Variants in TNPO1 observed in about 807,000 individuals in gnomAD.
The protein encoded by TNPO1 is transportin-1.
TNPO1 carries 8 observed loss-of-function variants against 119.5 expected under a neutral mutation model. The observed-to-expected ratio is 0.07, with a 90% confidence interval of 0.04 to 0.12. The LOEUF is 0.12. Ranked by LOEUF, TNPO1 falls within the 10% of genes least tolerant of loss-of-function variation. The probability of loss-of-function intolerance (pLI) is 1.00; values close to 1 mark genes in which losing one functional copy is unlikely to be tolerated. For synonymous variants in TNPO1, 362 were observed against 363.0 expected, an observed-to-expected ratio of 1.00 and a Z score of 0.03; for missense variants, 576 against 1,089.8, an observed-to-expected ratio of 0.53 and a Z score of 6.64.
intron 1 of TNPO1, among the ~76,000 whole-genome samples, chr5:72,836,908 C>T (rs1013014728): frequency 6.6e-6 from 1 of 152,208 alleles, no homozygotes; most frequent in African/African-American, 2.4e-5. Context: ...TTTCCAATAA[C>T]ATATTCCTCG....
At chr5:72,870,867 T>G (rs1234701671) in intron 6 of TNPO1, among the ~76,000 whole-genome samples, 1 of 152,204 alleles carries the variant, frequency 6.6e-6, no homozygotes, top group Non-Finnish European at 1.5e-5. Flanking sequence ...ATTGTATTTT[T>G]TTTCCATTTG....
chr5:72,884,092 A>T (rs879387161), intron 11 of TNPO1, among the ~76,000 whole-genome samples: 2 of 152,130 alleles, frequency 1.3e-5, no homozygotes, highest in Non-Finnish European at 2.9e-5. Flanking sequence ...CAGGAGAAGG[A>T]TTGTTGGGGT....
intron 1 of TNPO1, among the ~76,000 whole-genome samples, chr5:72,839,209 C>G (rs1744812310): frequency 6.6e-6 from 1 of 152,088 alleles, no homozygotes; most frequent in African/African-American, 2.4e-5. Flanking sequence ...TCCTATGATA[C>G]TAAGAGAATC....
chr5:72,880,394 T>G (rs921920366), intron 9 of TNPO1, among the ~76,000 whole-genome samples: 2 of 152,240 alleles, frequency 1.3e-5, no homozygotes, highest in African/African-American at 4.8e-5. Context: ...TTTATTCTTG[T>G]ACATTAATGT....
intron 11 of TNPO1, among the ~76,000 whole-genome samples, chr5:72,885,252 T>C (rs1174769045): frequency 1.3e-5 from 2 of 152,258 alleles, no homozygotes; most frequent in African/African-American, 4.8e-5. Flanking sequence ...CTAGTACTGA[T>C]AGCACATCTA....
In TNPO1 at chr5:72,882,643, A is replaced by G. The variant is rs1748330978; in HGVS notation, c.981+116A>G. On this transcript the variant is annotated intron_variant, in intron 10 of 24. Coordinates refer to ENST00000337273, the MANE Select transcript of TNPO1 (RefSeq NM_002270.4). The stretch of plus-strand genomic sequence containing the variant: ...TAGATCTCCTGTAAATAGACTTCCT[A>G]TTATCCATAATAGGATAGAAGCATA... 7.5e-6 allele frequency: 5 copies of G among 666,490 alleles called. No individual in the cohort carries two copies. In the East Asian group the frequency reaches 1.3e-4, roughly 17 times the overall value. The allele number at this position is 666,490 out of a possible 1,614,324, so 41.3% of individuals were successfully genotyped here. A position where few individuals can be genotyped will look rare whatever the true frequency, so the allele number is the denominator to read the frequency against.
intron 1 of TNPO1, among the ~76,000 whole-genome samples, chr5:72,835,970 G>A (rs550474998): frequency 1.3e-5 from 2 of 152,366 alleles, no homozygotes; most frequent in African/African-American, 4.8e-5. Context: ...TGACTTTTAT[G>A]TATTGCCTTC....
intron 1 of TNPO1, 77 bp downstream of exon 1, chr5:72,816,829 GC>G (rs1743712967): frequency 6.7e-7 from 1 of 1,494,324 alleles, no homozygotes; most frequent in South Asian, 1.3e-5. Context: ...TGCCTGACGC[GC>G]CTACGGGAGA....
At chr5:72,878,523 C>T (rs1377225381) in intron 9 of TNPO1, 1 of 150,832 alleles carries the variant, frequency 6.6e-6, no homozygotes, top group Non-Finnish European at 1.5e-5. Context: ...GTTTATGGTA[C>T]TTGAATGTTC....
At chr5:72,879,137 C>A in intron 9 of TNPO1, 1 of 200,040 alleles carries the variant, frequency 5.0e-6, no homozygotes, top group East Asian at 1.3e-4. Context: ...TTCTGGAGAC[C>A]CTGCTTTTAG....
chr5:72,847,785 A>G (rs1241826800), intron 1 of TNPO1, among the ~76,000 whole-genome samples: 4 of 152,220 alleles, frequency 2.6e-5, no homozygotes, highest in Non-Finnish European at 4.4e-5. Flanking sequence ...CTGCATCAAT[A>G]TTTTAGACTT....
intron 18 of TNPO1, among the ~76,000 whole-genome samples, chr5:72,894,876 C>T (rs1017023520): frequency 2.6e-5 from 4 of 152,002 alleles, no homozygotes; most frequent in African/African-American, 9.6e-5. Flanking sequence ...TCATATTTAC[C>T]ACCTAATTTA....
At chr5:72,820,927 A>G (rs1199744020) in intron 1 of TNPO1, among the ~76,000 whole-genome samples, 1 of 152,202 alleles carries the variant, frequency 6.6e-6, no homozygotes, top group African/African-American at 2.4e-5. Context: ...AAGTGAATGC[A>G]CCAAATATCT....
chr5:72,864,570 T>C (rs1746738482), intron 5 of TNPO1, among the ~76,000 whole-genome samples: 2 of 152,122 alleles, frequency 1.3e-5, no homozygotes, highest in Admixed American at 1.3e-4. Flanking sequence ...AGTGAATACT[T>C]TTATATGTAA....
In TNPO1 at chr5:72,846,703, C is replaced by A. The variant is rs371521641; in HGVS notation, c.16-1682C>A. On this transcript the variant is annotated intron_variant, in intron 1 of 24. Coordinates refer to ENST00000337273, the MANE Select transcript of TNPO1 (RefSeq NM_002270.4). The stretch of plus-strand genomic sequence containing the variant: ...GGATTGGACACAAAAGAAACCTCTT[C>A]ATACTCAGCGATCTCTATCTTGAGC... Among the ~76,000 whole-genome samples, 6 of 152,130 alleles carry A rather than the reference C, an allele frequency of 3.9e-5. No homozygotes were observed. The South Asian group carries it at 1.2e-3, about 31-fold the overall frequency.
At position 72,901,845 on chromosome 5, in the gene TNPO1, G is replaced by A. The variant is rs189540665; in HGVS notation, c.2514+772G>A. The stretch of plus-strand genomic sequence containing the variant: ...TCAATTGAAAAACGTAGTTGAGGCC[G>A]AGGCAGGCAGATCACGAGGTCAGGA... On this transcript the variant is annotated intron_variant, in intron 22 of 24. Transcript: ENST00000337273. Among the ~76,000 whole-genome samples the A allele has an allele frequency of 1.3e-4, 20 of 152,222 alleles. No individual in the cohort carries two copies. In the South Asian group the frequency reaches 3.1e-3, roughly 24 times the overall value.
chr5:72,887,554 A>G (rs550671673), intron 12 of TNPO1, among the ~76,000 whole-genome samples: 17 of 152,284 alleles, frequency 1.1e-4, no homozygotes, highest in Admixed American at 3.3e-4. Flanking sequence ...GCGTGGTGGC[A>G]TGTGCCTGTA....
chr5:72,879,589 G>A (rs958405582), intron 9 of TNPO1, among the ~76,000 whole-genome samples: 2 of 152,090 alleles, frequency 1.3e-5, no homozygotes, highest in Admixed American at 6.5e-5. Context: ...TGATCCTCTT[G>A]CCTCAAGCAA....
rs1193958768 is a variant in TNPO1, at chr5:72,841,119, C to CT, written c.16-7249dup. Among the ~76,000 whole-genome samples the CT allele has an allele frequency of 6.0e-3, 859 of 142,558 alleles. 11 individuals are homozygous for CT. Among genetic ancestry groups the CT allele is most frequent in the African/African-American group, 0.019 (745 of 38,608 alleles). The allele number at this position is 142,558 out of a possible 152,430, so 93.5% of individuals were successfully genotyped here. A position where few individuals can be genotyped will look rare whatever the true frequency, so the allele number is the denominator to read the frequency against. On this transcript the variant is annotated intron_variant, in intron 1 of 24. Coordinates refer to ENST00000337273, the MANE Select transcript of TNPO1 (RefSeq NM_002270.4). The stretch of plus-strand genomic sequence containing the variant: ...TAACCTCTGGTTTTAGACTCTCTCT[C>CT]TTTTTTTTTTTTTTTTTGGAGACCG...
Sources: allele counts gnomAD v4.1 joint callset (sites outside exome capture counted in the v4.1 genomes callset), GRCh38; gene constraint gnomAD v4.1.1; transcripts MANE v1.5; gene names NCBI Gene and HGNC (gene_info 2026-07-23, HGNC 2026-07-21).